CLSPN: variants seen among roughly 807,000 people sequenced by gnomAD.
CLSPN encodes the protein claspin.
A neutral mutation model predicts 156.3 loss-of-function variants in CLSPN; 85 were observed. The observed-to-expected ratio is 0.54, with a 90% CI of 0.46 to 0.65. The LOEUF (loss-of-function observed/expected upper bound fraction) is 0.65. Among genes scored for constraint, CLSPN ranks in the 30% least tolerant of loss-of-function variants. CLSPN has a pLI of 0.00. For missense variants in CLSPN, 1,407 were observed against 1,554.9 expected, an observed-to-expected ratio of 0.90 and a Z score of 1.60; for synonymous variants, 534 against 542.4, an observed-to-expected ratio of 0.98 and a Z score of 0.22.
chr1:35,761,591 A>G (rs1043658777), intron 6 of CLSPN, among the ~76,000 whole-genome samples: 1 of 152,168 alleles, frequency 6.6e-6, no homozygotes, highest in East Asian at 1.9e-4. Flanking sequence ...TGATCTGATA[A>G]CTGAGAGGGC....
chr1:35,742,363 CATAAG>C (rs1440817395), intron 18 of CLSPN, among the ~76,000 whole-genome samples: 24 of 152,152 alleles, frequency 1.6e-4, no homozygotes, highest in Middle Eastern at 6.8e-3. Context: ...AGTACCCACT[CATAAG>C]ATAATTTTTT....
In CLSPN at chr1:35,734,677, CAA is replaced by C. The variant is rs71062891; in HGVS notation, c.*1817_*1818del. On this transcript the variant is annotated 3_prime_UTR_variant, in exon 25 of 25. Coordinates refer to ENST00000318121, the MANE Select transcript of CLSPN (RefSeq NM_022111.4). ...TAGGTGACAGAGCCAGCCTATGTCT[CAA>C]AAAAAAAAAAAGAAAAGAAAAGAAA... 55 of 663,208 alleles carry C rather than the reference CAA, an allele frequency of 8.3e-5. No homozygotes were observed. The highest frequency in any genetic ancestry group is 2.9e-4 in the East Asian group (2 of 6,974). The allele number at this position is 663,208 out of a possible 1,614,324, so 41.1% of individuals were successfully genotyped here.
chr1:35,727,131 T>A (rs913553689), downstream of CLSPN, among the ~76,000 whole-genome samples: 1 of 152,206 alleles, frequency 6.6e-6, no homozygotes, highest in South Asian at 2.1e-4. Context: ...CCAGGACTAG[T>A]GCATTCATAG....
Position 35,733,378 on chromosome 1 carries a change from C to T in CLSPN, c.*3118G>A. 6.7e-6 allele frequency: 3 copies of T among 446,058 alleles called. No individual in the cohort carries two copies. Among genetic ancestry groups the T allele is most frequent in the Non-Finnish European group, 8.7e-6 (3 of 344,966 alleles). The allele number at this position is 446,058 out of a possible 1,614,324, so 27.6% of individuals were successfully genotyped here. On this transcript the variant is annotated 3_prime_UTR_variant, in exon 25 of 25. Transcript: ENST00000318121. Reference sequence around the variant, plus strand: ...CCATGTTTCCCAGGCTGGTCTCGAACTCCTGAGTTCAAGCAATGCACCCAC... The same window carrying T: ...CCATGTTTCCCAGGCTGGTCTCGAATTCCTGAGTTCAAGCAATGCACCCAC...
chr1:35,754,216 T>A (rs1353762161), intron 8 of CLSPN, among the ~76,000 whole-genome samples: 2 of 152,224 alleles, frequency 1.3e-5, no homozygotes, highest in African/African-American at 2.4e-5. Context: ...TGCAATTCTT[T>A]TGAACATTCT....
At chr1:35,749,195 C>G (rs1303093663) in intron 12 of CLSPN, among the ~76,000 whole-genome samples, 2 of 152,134 alleles carry the variant, frequency 1.3e-5, no homozygotes, top group Non-Finnish European at 2.9e-5. Flanking sequence ...ATCAATTATA[C>G]GTCTTCCTTT....
rs902607429 is a variant in CLSPN at position 35,720,982 on chromosome 1, T to C, written c.3910-2A>G. 11 of 1,601,772 alleles carry C rather than the reference T, an allele frequency of 6.9e-6. No individual in the cohort carries two copies. Among genetic ancestry groups the C allele is most frequent in the Non-Finnish European group, 9.4e-6 (11 of 1,171,390 alleles). ...GTCAGAGTCCTTCTCTGGGATCTTC[T>C]GAAACGAAATTAAAGGAAGACGAGG... On this transcript the variant is annotated splice_acceptor_variant, in intron 24 of 24. Transcript: ENST00000251195. LOFTEE classifies it high-confidence loss of function.
At position 35,746,934 on chromosome 1, in the gene CLSPN, A is replaced by AT. The variant is rs749602412; in HGVS notation, c.2685dup (p.Leu896IlefsTer6). Reference sequence around the variant, plus strand: ...ATGGCATTCTCATCCATACTGGCCAATGGCAATCGAGGCTTCAAAGCTTGG... The same window carrying AT: ...ATGGCATTCTCATCCATACTGGCCAATTGGCAATCGAGGCTTCAAAGCTTGG... On this transcript the variant is annotated frameshift_variant, in exon 15 of 25. Transcript: ENST00000318121. LOFTEE classifies it high-confidence loss of function. This position sits in a 1 kb window ranked among gnomAD's most constrained non-coding sequence, Gnocchi z 4.2. 1 of 1,614,190 alleles carries AT rather than the reference A, an allele frequency of 6.2e-7. No homozygotes were observed. Among genetic ancestry groups the AT allele is most frequent in the Non-Finnish European group, 8.5e-7 (1 of 1,180,028 alleles).
intron 9 of CLSPN, among the ~76,000 whole-genome samples, chr1:35,752,164 C>T (rs887011090): frequency 2.6e-5 from 4 of 152,068 alleles, no homozygotes; most frequent in African/African-American, 9.7e-5. Flanking sequence ...ATATATCTGG[C>T]ACTATAATAT....
intron 8 of CLSPN, among the ~76,000 whole-genome samples, chr1:35,758,319 C>T (rs1222324731): frequency 6.6e-6 from 1 of 152,020 alleles, no homozygotes; most frequent in Non-Finnish European, 1.5e-5. Context: ...GCTAGAATTA[C>T]AGGCATAAGC....
chr1:35,766,955 C>T (rs1232206713), intron 1 of CLSPN, among the ~76,000 whole-genome samples: 1 of 151,948 alleles, frequency 6.6e-6, no homozygotes, highest in Admixed American at 6.6e-5. Flanking sequence ...CAATGTTAGC[C>T]AGGCTGGTCT....
rs751943781 is a variant in CLSPN, at chr1:35,761,136, G to A, written c.964C>T (p.Pro322Ser). Residue 322 changes from proline (P) to serine (S), a missense_variant, in exon 7 of 25, where the codon CCC becomes TCC. Transcript: ENST00000318121. ...GCATTTCCGTGGCAAGTGGGCCGGG[G>A]TTTACGTTTGAAGAAATCATGAATG... ...KTIHDFFKRKPRPTCHGNAMA... is the reference protein window; with the variant it reads ...KTIHDFFKRKSRPTCHGNAMA... 20 of 1,613,666 alleles carry A rather than the reference G, an allele frequency of 1.2e-5. No homozygotes were observed. The East Asian group carries it at 4.5e-4, about 36-fold the overall frequency.
intron 10 of CLSPN, 91 bp downstream of exon 10, chr1:35,751,159 T>C (rs969033934): frequency 1.3e-6 from 2 of 1,504,028 alleles, no homozygotes; most frequent in African/African-American, 1.4e-5. Context: ...TCTTATACAA[T>C]TGAACATGCT....
chr1:35,724,776 T>C (rs1030400217), intron 24 of CLSPN, among the ~76,000 whole-genome samples: 2 of 152,174 alleles, frequency 1.3e-5, no homozygotes, highest in African/African-American at 4.8e-5. Flanking sequence ...TTAAGGCAGA[T>C]TGGAACGAAC....
Position 35,743,435 on chromosome 1 carries a change from T to A in CLSPN, c.3042+20A>T. 5 of 1,599,854 alleles carry A rather than the reference T, an allele frequency of 3.1e-6. No homozygotes were observed. The highest frequency in any genetic ancestry group is 3.4e-6 in the Non-Finnish European group (4 of 1,168,212). On this transcript the variant is annotated intron_variant, in intron 17 of 24. Coordinates refer to ENST00000318121, the MANE Select transcript of CLSPN (RefSeq NM_022111.4). ...ATACATGGAGCTCAGTTATGATTAC[T>A]TTGTTCCCTTCATACTCACCTCATC...
intron 16 of CLSPN, 35 bp from the exon 17 acceptor site, chr1:35,743,565 G>T (rs765564777): frequency 2.6e-6 from 4 of 1,547,406 alleles, no homozygotes; most frequent in Non-Finnish European, 3.6e-6. Flanking sequence ...TAAATAAGTT[G>T]TTGAAAGCAA....
chr1:35,721,848 C>G (rs889882391), intron 24 of CLSPN, among the ~76,000 whole-genome samples: 2 of 151,974 alleles, frequency 1.3e-5, no homozygotes, highest in Non-Finnish European at 2.9e-5. Context: ...TGATTTAAAG[C>G]CTATATTGGG....
chr1:35,738,259 T>A (rs11807319), intron 21 of CLSPN, among the ~76,000 whole-genome samples, 162 bp from the exon 22 acceptor site: 1,596 of 152,224 alleles, frequency 0.01, 17 homozygotes, highest in African/African-American at 0.033. Context: ...AAAAAAAAAT[T>A]AATCTTAGAC....
chr1:35,721,914 G>T (rs1003879510), intron 24 of CLSPN, among the ~76,000 whole-genome samples: 6 of 151,882 alleles, frequency 4.0e-5, no homozygotes, highest in Non-Finnish European at 8.8e-5. Context: ...CGAGGCAGGC[G>T]GATCACTTGA....
Sources: gnomAD v4.1 joint callset for allele counts (sites outside exome capture counted in the v4.1 genomes callset) on GRCh38, gnomAD v4.1.1 for gene constraint, Gnocchi (gnomAD v3.1) non-coding constraint, MANE v1.5 for transcripts, NCBI Gene and HGNC (gene_info 2026-07-23, HGNC 2026-07-21) for gene names.